STAU2: variants seen among roughly 807,000 people sequenced by gnomAD.
The protein encoded by STAU2 is double-stranded RNA-binding protein Staufen homolog 2.
Under a neutral mutation model 65.9 loss-of-function variants are expected in STAU2, and 20 were observed. The observed-to-expected ratio is 0.30, with a 90% CI of 0.21 to 0.44. STAU2 has a LOEUF of 0.44. STAU2 is among the 20% of genes least tolerant of loss of function. The pLI is 1.00. For synonymous variants in STAU2, 232 were observed against 233.9 expected, an observed-to-expected ratio of 0.99 and a Z score of 0.07; for missense variants, 558 against 683.9, an observed-to-expected ratio of 0.82 and a Z score of 2.05.
chr8:73,644,214 T>C (rs1490184745), intron 6 of STAU2, among the ~76,000 whole-genome samples: 9 of 152,140 alleles, frequency 5.9e-5, no homozygotes, highest in Admixed American at 5.9e-4. Context: ...AGGGAAATTT[T>C]TAAACTGAAC....
At chr8:73,556,817 G>A (rs1333908873) in intron 12 of STAU2, among the ~76,000 whole-genome samples, 1 of 152,150 alleles carries the variant, frequency 6.6e-6, no homozygotes, top group African/African-American at 2.4e-5. Context: ...TGGAGCTGGT[G>A]GGAGTGACAG....
chr8:73,641,267 G>A (rs1814945443), intron 6 of STAU2, among the ~76,000 whole-genome samples: 1 of 152,114 alleles, frequency 6.6e-6, no homozygotes, highest in Non-Finnish European at 1.5e-5. Flanking sequence ...GCTGAGGTGG[G>A]AGGATGGCTT....
At chr8:73,543,629 T>C (rs1407725550) in intron 13 of STAU2, among the ~76,000 whole-genome samples, 1 of 152,168 alleles carries the variant, frequency 6.6e-6, no homozygotes, top group Non-Finnish European at 1.5e-5. Flanking sequence ...CCCTCCCCTC[T>C]TCCACACTAC....
chr8:73,563,383 A>G (rs1452448411), intron 12 of STAU2, among the ~76,000 whole-genome samples: 1 of 152,156 alleles, frequency 6.6e-6, no homozygotes, highest in Non-Finnish European at 1.5e-5. Flanking sequence ...TAGTGGGAAC[A>G]AGGTCACCTC....
intron 13 of STAU2, among the ~76,000 whole-genome samples, chr8:73,447,320 G>A (rs1371936444): frequency 6.6e-6 from 1 of 152,082 alleles, no homozygotes; most frequent in African/African-American, 2.4e-5. Context: ...TAACTCTTCT[G>A]CAACTTTTTT....
intron 13 of STAU2, among the ~76,000 whole-genome samples, chr8:73,529,434 C>G (rs1805659935): frequency 6.6e-6 from 1 of 152,130 alleles, no homozygotes; most frequent in Non-Finnish European, 1.5e-5. Context: ...ACCCTTTCGA[C>G]ACCAACTGAA....
At chr8:73,663,692 T>A (rs1345464916) in intron 6 of STAU2, among the ~76,000 whole-genome samples, 2 of 151,604 alleles carry the variant, frequency 1.3e-5, no homozygotes, top group Non-Finnish European at 2.9e-5. Flanking sequence ...ACATCAACTT[T>A]GAGAGAACTG....
chr8:73,470,282 A>T (rs533117565), intron 13 of STAU2, among the ~76,000 whole-genome samples: 44 of 152,174 alleles, frequency 2.9e-4, no homozygotes, highest in Non-Finnish European at 5.7e-4. Context: ...GGAGTCTGGG[A>T]AAAAGATCCC....
intron 13 of STAU2, among the ~76,000 whole-genome samples, chr8:73,508,589 G>A (rs1399688603): frequency 6.6e-6 from 1 of 152,052 alleles, no homozygotes; most frequent in African/African-American, 2.4e-5. Context: ...GACATGAAGT[G>A]GGCACATGTT....
chr8:73,598,234 T>TC (rs1406394865), intron 10 of STAU2, among the ~76,000 whole-genome samples: 3 of 150,750 alleles, frequency 2.0e-5, no homozygotes, highest in Non-Finnish European at 4.4e-5. Context: ...AACTTTTTTT[T>TC]TTTTTTTTTT....
At chr8:73,630,405 T>C (rs938270511) in intron 6 of STAU2, among the ~76,000 whole-genome samples, 1 of 152,224 alleles carries the variant, frequency 6.6e-6, no homozygotes, top group Non-Finnish European at 1.5e-5. Context: ...TGATATCCAG[T>C]CTGACTACCA....
At chr8:73,608,894 C>T (rs1041302769) in intron 9 of STAU2, among the ~76,000 whole-genome samples, 2 of 152,066 alleles carry the variant, frequency 1.3e-5, no homozygotes, top group Non-Finnish European at 2.9e-5. Flanking sequence ...ATGAGAATCG[C>T]TTGAACCCAG....
At chr8:73,720,923 T>C (rs975471641) in intron 3 of STAU2, among the ~76,000 whole-genome samples, 3 of 152,000 alleles carry the variant, frequency 2.0e-5, no homozygotes, top group African/African-American at 7.2e-5. Context: ...TGTTAATGAT[T>C]CCTAATTCCA....
intron 4 of STAU2, among the ~76,000 whole-genome samples, chr8:73,692,101 C>T (rs922735878): frequency 6.6e-6 from 1 of 152,122 alleles, no homozygotes; most frequent in Non-Finnish European, 1.5e-5. Flanking sequence ...AAAAAGCTTG[C>T]AGGCTGGTGA....
intron 6 of STAU2, chr8:73,672,057 T>A (rs1425848592): frequency 6.6e-6 from 1 of 152,022 alleles, no homozygotes; most frequent in Non-Finnish European, 1.5e-5. Flanking sequence ...AAAAAATTCT[T>A]AAATATATGA....
At chr8:73,647,145 T>C (rs1815448791) in intron 6 of STAU2, among the ~76,000 whole-genome samples, 1 of 152,196 alleles carries the variant, frequency 6.6e-6, no homozygotes, top group Non-Finnish European at 1.5e-5. Flanking sequence ...GCCAGACAGT[T>C]CAGCAACTCT....
chr8:73,501,014 C>G (rs1294453683), intron 13 of STAU2, among the ~76,000 whole-genome samples: 1 of 151,872 alleles, frequency 6.6e-6, no homozygotes, highest in Non-Finnish European at 1.5e-5. Context: ...ACAAAAGATT[C>G]TACTATGCTT....
intron 11 of STAU2, among the ~76,000 whole-genome samples, chr8:73,594,769 C>T (rs1021907533): frequency 1.3e-5 from 2 of 152,092 alleles, no homozygotes; most frequent in African/African-American, 4.8e-5. Context: ...CAATACAGTT[C>T]CTGCCCTAAA....
At chr8:73,428,802 T>G (rs1817033764) in intron 13 of STAU2, among the ~76,000 whole-genome samples, 1 of 152,164 alleles carries the variant, frequency 6.6e-6, no homozygotes, top group Non-Finnish European at 1.5e-5. Context: ...CTCTTCCATC[T>G]GAAGAGAACT....
Sources: gnomAD v4.1 joint callset for allele counts (sites outside exome capture counted in the v4.1 genomes callset) on GRCh38, gnomAD v4.1.1 for gene constraint, MANE v1.5 for transcripts, NCBI Gene and HGNC (gene_info 2026-07-23, HGNC 2026-07-21) for gene names.